Variants in TPRG1 observed in about 807,000 individuals in gnomAD.
The protein encoded by TPRG1 is tumor protein p63-regulated gene 1 protein.
A neutral mutation model predicts 29.3 loss-of-function variants in TPRG1; 29 were observed. The observed-to-expected ratio is 0.99, with a 90% CI of 0.74 to 1.35. TPRG1 has a LOEUF of 1.35. Ranked by LOEUF, TPRG1 falls within the 40% of genes most tolerant of loss-of-function variation. The pLI is 0.00. For synonymous variants in TPRG1, 130 were observed against 116.8 expected (o/e 1.11, Z -0.73); for missense variants, 327 against 335.0 (o/e 0.98, Z 0.19).
At chr3:189,148,021 G>A (rs1449091204) in intron 4 of TPRG1, among the ~76,000 whole-genome samples, 2 of 152,302 alleles carry the variant, frequency 1.3e-5, no homozygotes, top group East Asian at 3.9e-4. Context: ...AAAAGTAGCA[G>A]CATATAGGGA....
At chr3:189,078,928 T>C (rs1360426403) in intron 4 of TPRG1, among the ~76,000 whole-genome samples, 1 of 152,216 alleles carries the variant, frequency 6.6e-6, no homozygotes, top group East Asian at 1.9e-4. Flanking sequence ...ACTGTCATCG[T>C]GTCTCAGTCT....
chr3:189,058,362 G>A (rs1483635296), intron 4 of TPRG1, among the ~76,000 whole-genome samples: 4 of 152,128 alleles, frequency 2.6e-5, no homozygotes, highest in East Asian at 1.9e-4. Context: ...GGAGTGTAAC[G>A]TCGGTACACA....
At chr3:189,309,242 C>T (rs1344041456) in intron 4 of TPRG1, among the ~76,000 whole-genome samples, 2 of 151,922 alleles carry the variant, frequency 1.3e-5, no homozygotes, top group African/African-American at 4.8e-5. Flanking sequence ...AGTTGGGGAG[C>T]GGAGTGTTAT....
At chr3:189,279,078 G>A (rs192971565) in intron 4 of TPRG1, among the ~76,000 whole-genome samples, 11 of 152,330 alleles carry the variant, frequency 7.2e-5, no homozygotes, top group Non-Finnish European at 1.0e-4. Context: ...GAACTATACA[G>A]TATCTGCTTC....
intron 4 of TPRG1, among the ~76,000 whole-genome samples, chr3:189,282,914 A>G (rs900454678): frequency 2.6e-5 from 4 of 152,208 alleles, no homozygotes; most frequent in African/African-American, 9.6e-5. Flanking sequence ...CCAAGTCCCC[A>G]GCCAAGCTCA....
intron 3 of TPRG1, among the ~76,000 whole-genome samples, chr3:189,022,836 G>A (rs950750861): frequency 3.9e-5 from 6 of 152,330 alleles, no homozygotes; most frequent in African/African-American, 4.8e-5. Flanking sequence ...CCTCGCTGCC[G>A]CCTTGCAGTT....
In TPRG1 at chr3:189,150,343, G is replaced by A. The variant is rs1242881585; in HGVS notation, c.-226-313G>A. On this transcript the variant is annotated intron_variant, in intron 4 of 6. Coordinates refer to the TPRG1 transcript ENST00000412373. ...GATTATAGGTGTGCACTACCACGCC[G>A]AGCAAATTTTTGTATTTTTAGTAGA... 1.3e-5 allele frequency among the ~76,000 whole-genome samples: 2 copies of A among 152,112 alleles called. 1 individual carries two copies. The highest frequency in any genetic ancestry group is 1.3e-4 in the Admixed American group (2 of 15,268).
intron 3 of TPRG1, among the ~76,000 whole-genome samples, chr3:189,235,142 T>A (rs1279396672): frequency 1.3e-5 from 2 of 151,826 alleles, no homozygotes; most frequent in African/African-American, 4.8e-5. Flanking sequence ...CAGGGTAAGG[T>A]TTTTGTAATT....
At chr3:188,998,026 G>A (rs1316041890) in intron 1 of TPRG1, among the ~76,000 whole-genome samples, 2 of 151,904 alleles carry the variant, frequency 1.3e-5, no homozygotes, top group South Asian at 2.1e-4. Flanking sequence ...TCACTCATTT[G>A]TTCAATTAAA....
chr3:189,261,871 C>G (rs1040570276), intron 4 of TPRG1, among the ~76,000 whole-genome samples: 2 of 152,094 alleles, frequency 1.3e-5, no homozygotes, highest in Admixed American at 6.5e-5. Context: ...CTAGTGTGCT[C>G]ATGTGAAGTC....
chr3:189,232,926 G>T, intron 3 of TPRG1, among the ~76,000 whole-genome samples: 1 of 152,170 alleles, frequency 6.6e-6, no homozygotes. Flanking sequence ...TCATCTGTTT[G>T]TGTTTGAAGA....
At chr3:189,264,405 C>A (rs1713680133) in intron 4 of TPRG1, among the ~76,000 whole-genome samples, 1 of 152,116 alleles carries the variant, frequency 6.6e-6, no homozygotes, top group African/African-American at 2.4e-5. Context: ...GAAGATAGAC[C>A]AAAGTTGGTG....
chr3:189,043,636 A>T (rs1714776661), intron 4 of TPRG1, among the ~76,000 whole-genome samples: 1 of 152,200 alleles, frequency 6.6e-6, no homozygotes, highest in African/African-American at 2.4e-5. Context: ...CTCCCTTCAG[A>T]GACTGGCTTG....
At chr3:189,295,978 T>C (rs2109234700) in intron 4 of TPRG1, among the ~76,000 whole-genome samples, 1 of 152,204 alleles carries the variant, frequency 6.6e-6, no homozygotes, top group East Asian at 1.9e-4. Context: ...GAGTTTGCGT[T>C]TTTGTTTCTT....
intron 3 of TPRG1, among the ~76,000 whole-genome samples, chr3:189,136,936 G>C (rs970756775): frequency 2.0e-5 from 3 of 152,214 alleles, no homozygotes; most frequent in East Asian, 3.9e-4. Flanking sequence ...AACATACCAG[G>C]TGCTAGGATA....
intron 2 of TPRG1, among the ~76,000 whole-genome samples, chr3:189,210,515 A>G (rs1245211762): frequency 6.6e-6 from 1 of 152,188 alleles, no homozygotes; most frequent in Admixed American, 6.5e-5. Context: ...TGAAAGAGTC[A>G]TGATAAAATA....
chr3:189,078,347 A>G (rs1717365743), intron 4 of TPRG1, among the ~76,000 whole-genome samples: 1 of 151,888 alleles, frequency 6.6e-6, no homozygotes, highest in South Asian at 2.1e-4. Context: ...CATATTGTTC[A>G]GGCTGGTCTT....
chr3:189,192,421 C>A (rs957715875), intron 1 of TPRG1, among the ~76,000 whole-genome samples: 1 of 152,062 alleles, frequency 6.6e-6, no homozygotes, highest in African/African-American at 2.4e-5. Flanking sequence ...AAACCTGGTC[C>A]CTAACATCAA....
intron 4 of TPRG1, among the ~76,000 whole-genome samples, chr3:189,244,432 A>T (rs1186191253): frequency 3.9e-5 from 6 of 152,092 alleles, no homozygotes; most frequent in African/African-American, 1.4e-4. Context: ...AAAAAGAAGA[A>T]AAAAAAGAGG....
Sources: allele counts gnomAD v4.1 joint callset (sites outside exome capture counted in the v4.1 genomes callset), GRCh38; gene constraint gnomAD v4.1.1; transcripts MANE v1.5; gene names NCBI Gene and HGNC (gene_info 2026-07-23, HGNC 2026-07-21).